The following ARHGAP21 variants were observed in gnomAD, a reference collection of about 807,000 sequenced individuals.
The protein encoded by ARHGAP21 is rho GTPase-activating protein 21.
In ARHGAP21, 38 loss-of-function variants were observed where a neutral mutation model predicts 164.6. The observed-to-expected ratio is 0.23, with a 90% confidence interval of 0.18 to 0.30. The LOEUF (loss-of-function observed/expected upper bound fraction) is 0.30. Among genes scored for constraint, ARHGAP21 ranks in the 10% least tolerant of loss-of-function variants. The pLI, the probability that ARHGAP21 is intolerant of heterozygous loss-of-function variation, is 1.00. For synonymous variants in ARHGAP21, 766 were observed against 857.9 expected (o/e 0.89, Z 1.87); for missense variants, 1,822 against 2,370.7 (o/e 0.77, Z 4.81).
chr10:24,686,569 G>A (rs1217656139), intron 2 of ARHGAP21, among the ~76,000 whole-genome samples: 1 of 152,240 alleles, frequency 6.6e-6, no homozygotes, highest in Non-Finnish European at 1.5e-5. Flanking sequence ...TCAATGGCAT[G>A]AGAAAATGCC....
intron 9 of ARHGAP21, among the ~76,000 whole-genome samples, chr10:24,608,777 TTAAAA>T (rs1250701365): frequency 1.7e-5 from 2 of 118,688 alleles, no homozygotes; most frequent in Non-Finnish European, 2.0e-5. Flanking sequence ...ACAACTTTCT[TTAAAA>T]GCAGCTCTTT....
intron 21 of ARHGAP21, among the ~76,000 whole-genome samples, chr10:24,593,489 ACCG>A (rs2076429059): frequency 6.6e-6 from 1 of 152,118 alleles, no homozygotes; most frequent in Non-Finnish European, 1.5e-5. Flanking sequence ...ATATGTATAC[ACCG>A]TAATATTTTA....
intron 2 of ARHGAP21, among the ~76,000 whole-genome samples, chr10:24,684,129 A>G (rs1842019285): frequency 6.6e-6 from 1 of 152,116 alleles, no homozygotes; most frequent in Admixed American, 6.6e-5. Flanking sequence ...TCTACTGAAA[A>G]TACAAAAATT....
intron 4 of ARHGAP21, among the ~76,000 whole-genome samples, chr10:24,652,288 T>C (rs902053970): frequency 1.3e-5 from 2 of 152,164 alleles, no homozygotes; most frequent in African/African-American, 2.4e-5. Context: ...CAAATAAATA[T>C]CTACATAGGA....
intron 4 of ARHGAP21, among the ~76,000 whole-genome samples, chr10:24,641,318 G>T (rs1836995515): frequency 6.6e-6 from 1 of 152,168 alleles, no homozygotes; most frequent in South Asian, 2.1e-4. Flanking sequence ...GGTAAGGAGA[G>T]AAGCACTAAG....
chr10:24,692,902 AC>A (rs1343072344), intron 2 of ARHGAP21, among the ~76,000 whole-genome samples: 2 of 152,158 alleles, frequency 1.3e-5, no homozygotes, highest in African/African-American at 4.8e-5. Flanking sequence ...ACAATGAACT[AC>A]CATAAACAAA....
intron 4 of ARHGAP21, among the ~76,000 whole-genome samples, chr10:24,641,491 G>A (rs1055559380): frequency 6.6e-6 from 1 of 152,008 alleles, no homozygotes; most frequent in African/African-American, 2.4e-5. Flanking sequence ...AATAATCTCT[G>A]GATACTGTCA....
intron 9 of ARHGAP21, among the ~76,000 whole-genome samples, chr10:24,617,428 T>C (rs1834063885): frequency 6.6e-6 from 1 of 152,138 alleles, no homozygotes; most frequent in Non-Finnish European, 1.5e-5. Context: ...TAAAACTTCA[T>C]AAAACAATCA....
chr10:24,717,386 G>T (rs1206677670), intron 2 of ARHGAP21, among the ~76,000 whole-genome samples: 1 of 152,134 alleles, frequency 6.6e-6, no homozygotes, highest in Non-Finnish European at 1.5e-5. Flanking sequence ...GCTCTTATAG[G>T]GACTGCAATC....
chr10:24,597,812 G>A (rs961546152), intron 15 of ARHGAP21, 133 bp downstream of exon 15: 8 of 1,108,556 alleles, frequency 7.2e-6, no homozygotes, highest in Middle Eastern at 2.1e-4. Flanking sequence ...AAAAAATATA[G>A]CGTAGAGAGG....
At chr10:24,684,214 G>C (rs891517341) in intron 2 of ARHGAP21, among the ~76,000 whole-genome samples, 1 of 152,012 alleles carries the variant, frequency 6.6e-6, no homozygotes, top group Non-Finnish European at 1.5e-5. Context: ...TTGAACAAGG[G>C]AGGCAGAGGT....
intron 4 of ARHGAP21, among the ~76,000 whole-genome samples, chr10:24,648,515 C>G (rs1218508748): frequency 6.6e-6 from 1 of 152,196 alleles, no homozygotes; most frequent in African/African-American, 2.4e-5. Flanking sequence ...TGCAGAGGCT[C>G]ACGCCTATAA....
At chr10:24,713,309 A>T (rs572718453) in intron 2 of ARHGAP21, among the ~76,000 whole-genome samples, 144 of 152,366 alleles carry the variant, frequency 9.5e-4, no homozygotes, top group African/African-American at 3.4e-3. Flanking sequence ...CAGAACAGAG[A>T]TAAGCAACAG....
intron 2 of ARHGAP21, among the ~76,000 whole-genome samples, chr10:24,708,042 G>T (rs1844406221): frequency 6.6e-6 from 1 of 152,104 alleles, no homozygotes; most frequent in Non-Finnish European, 1.5e-5. Flanking sequence ...CTACAGTTAA[G>T]TAAAAAAAAG....
chr10:24,695,074 A>C (rs1198435020), intron 2 of ARHGAP21, among the ~76,000 whole-genome samples: 2 of 12,392 alleles, frequency 1.6e-4, no homozygotes, highest in African/African-American at 5.1e-4. Context: ...AAAAAAAAAA[A>C]AAAAAAAAAA....
chr10:24,703,431 AC>A (rs1397603733), intron 2 of ARHGAP21, among the ~76,000 whole-genome samples: 1 of 152,154 alleles, frequency 6.6e-6, no homozygotes, highest in Non-Finnish European at 1.5e-5. Flanking sequence ...AAACTTCACA[AC>A]AATCCCTGAT....
intron 4 of ARHGAP21, among the ~76,000 whole-genome samples, chr10:24,639,914 G>A (rs554894038): frequency 6.8e-4 from 85 of 125,332 alleles, no homozygotes; most frequent in Non-Finnish European, 3.7e-4. Context: ...TAAATATTAA[G>A]TATACAAAAA....
At chr10:24,636,334 T>G (rs577784186) in intron 4 of ARHGAP21, among the ~76,000 whole-genome samples, 1 of 152,150 alleles carries the variant, frequency 6.6e-6, no homozygotes, top group South Asian at 2.1e-4. Context: ...AGCATCAGTA[T>G]CACCTGGGAA....
At chr10:24,639,473 T>G (rs531097946) in intron 4 of ARHGAP21, among the ~76,000 whole-genome samples, 1 of 152,290 alleles carries the variant, frequency 6.6e-6, no homozygotes, top group South Asian at 2.1e-4. Flanking sequence ...TACTTATTAT[T>G]ATGATAGACC....
Sources: allele counts gnomAD v4.1 joint callset (sites outside exome capture counted in the v4.1 genomes callset), GRCh38; gene constraint gnomAD v4.1.1; transcripts MANE v1.5; gene names NCBI Gene and HGNC (gene_info 2026-07-23, HGNC 2026-07-21).